Variants in SUGCT observed in about 807,000 individuals in gnomAD.
SUGCT encodes the protein succinyl-CoA:glutarate CoA-transferase.
In SUGCT, 41 loss-of-function variants were observed where a neutral mutation model predicts 55.0. That is an observed-to-expected ratio of 0.74 (90% confidence interval 0.58 to 0.97). The LOEUF is 0.97. SUGCT is among the 50% of genes least tolerant of loss of function. SUGCT has a pLI of 0.00. For synonymous variants in SUGCT, 187 were observed against 200.4 expected, an observed-to-expected ratio of 0.93 and a Z score of 0.56; for missense variants, 568 against 547.8, an observed-to-expected ratio of 1.04 and a Z score of -0.37.
At chr7:40,889,777 A>G in the SUGCT span, among the ~76,000 whole-genome samples, 3 of 152,244 alleles carry the variant, frequency 2.0e-5, no homozygotes, top group Admixed American at 2.0e-4. Flanking sequence ...GACCTTTTAC[A>G]AGCAAAATCC....
At chr7:40,970,012 A>G in the SUGCT span, among the ~76,000 whole-genome samples, 1 of 152,222 alleles carries the variant, frequency 6.6e-6, no homozygotes, top group African/African-American at 2.4e-5. Context: ...CTAAAGCAAC[A>G]TTCTTTGCAG....
intron 9 of SUGCT, among the ~76,000 whole-genome samples, chr7:40,366,919 A>G (rs914792727): frequency 1.1e-4 from 17 of 152,338 alleles, no homozygotes; most frequent in Non-Finnish European, 1.5e-4. Flanking sequence ...TACTGGGTAT[A>G]TACCCGAAGG....
rs767281088 is a variant in SUGCT, at chr7:40,459,159, T to A, written c.947T>A (p.Val316Glu). 6.2e-7 allele frequency: 1 copy of A among 1,611,566 alleles called. No individual in the cohort carries two copies. Among genetic ancestry groups the A allele is most frequent in the East Asian group, 2.2e-5 (1 of 44,788 alleles). The change falls in exon 11 of 14, where the codon GTA becomes GAA. Residue 316 changes from valine (V) to glutamate (E), a missense_variant. By Grantham distance (121) the Val-to-Glu change is moderately radical. Transcript: ENST00000335693. ...NSKYKTNHLRVHNRKELIKIL... is the reference protein window; with the variant it reads ...NSKYKTNHLREHNRKELIKIL... The stretch of plus-strand genomic sequence containing the variant: ...AAGTATAAAACTAACCACCTTCGGG[T>A]ACACAATAGAAAAGAGCTTATTAAA...
intron 8 of SUGCT, among the ~76,000 whole-genome samples, chr7:40,291,055 TG>T (rs1301831456): frequency 6.6e-6 from 1 of 152,138 alleles, no homozygotes; most frequent in East Asian, 1.9e-4. Context: ...ACACTGTTGG[TG>T]GGACTGTAAA....
chr7:40,978,893 A>G, the SUGCT span, among the ~76,000 whole-genome samples: 1 of 152,218 alleles, frequency 6.6e-6, no homozygotes, highest in Non-Finnish European at 1.5e-5. Context: ...TCTTCATGCA[A>G]TGGAAGTCAT....
At chr7:40,431,586 C>A (rs1787899567) in intron 9 of SUGCT, among the ~76,000 whole-genome samples, 1 of 152,010 alleles carries the variant, frequency 6.6e-6, no homozygotes, top group Admixed American at 6.5e-5. Flanking sequence ...GCTATATTTT[C>A]TTTTATTCTG....
intron 13 of SUGCT, among the ~76,000 whole-genome samples, chr7:40,843,399 A>G (rs1793378477): frequency 6.6e-6 from 1 of 151,478 alleles, no homozygotes; most frequent in Non-Finnish European, 1.5e-5. Context: ...AATCCCAGCT[A>G]CTCGGGAGGG....
intron 12 of SUGCT, among the ~76,000 whole-genome samples, chr7:40,588,975 T>C (rs949660434): frequency 4.6e-5 from 7 of 152,240 alleles, no homozygotes; most frequent in African/African-American, 1.2e-4. Flanking sequence ...TAATTCTGTT[T>C]TGTACAAATA....
chr7:40,454,197 A>G (rs1249173216), intron 10 of SUGCT, among the ~76,000 whole-genome samples: 3 of 152,208 alleles, frequency 2.0e-5, no homozygotes, highest in Non-Finnish European at 2.9e-5. Context: ...AAAGTCCAAT[A>G]TTTATGTCAT....
chr7:40,922,190 A>T, the SUGCT span, among the ~76,000 whole-genome samples: 1 of 152,156 alleles, frequency 6.6e-6, no homozygotes, highest in African/African-American at 2.4e-5. Context: ...CATTCTTCCA[A>T]ATCGGACTAT....
At chr7:40,162,568 C>T (rs1784230165) in intron 1 of SUGCT, among the ~76,000 whole-genome samples, 1 of 152,210 alleles carries the variant, frequency 6.6e-6, no homozygotes, top group African/African-American at 2.4e-5. Flanking sequence ...CCTTGACCTG[C>T]TGGGCTCAAG....
chr7:40,139,138 A>C (rs1465276716), intron 1 of SUGCT, among the ~76,000 whole-genome samples: 1 of 139,388 alleles, frequency 7.2e-6, no homozygotes, highest in East Asian at 2.0e-4. Context: ...AAATAAATAA[A>C]TAAATAAATA....
At chr7:40,901,149 T>C in the SUGCT span, among the ~76,000 whole-genome samples, 2 of 152,238 alleles carry the variant, frequency 1.3e-5, no homozygotes, top group African/African-American at 4.8e-5. Context: ...TCAGTTGACT[T>C]ACAGCTCTTA....
At chr7:40,323,746 A>C (rs926055153) in intron 9 of SUGCT, among the ~76,000 whole-genome samples, 4 of 152,180 alleles carry the variant, frequency 2.6e-5, no homozygotes, top group African/African-American at 7.2e-5. Context: ...AACTGGCAAA[A>C]TCCCAGTGCG....
chr7:40,432,129 T>G (rs1787925724), intron 9 of SUGCT, among the ~76,000 whole-genome samples: 1 of 152,198 alleles, frequency 6.6e-6, no homozygotes, highest in African/African-American at 2.4e-5. Context: ...CATTCAGTTT[T>G]TCCCAATTGA....
chr7:40,813,417 G>T lies in SUGCT; in HGVS notation c.1154-46899G>T, dbSNP rs1157356065. 3.3e-5 allele frequency among the ~76,000 whole-genome samples: 5 copies of T among 151,976 alleles called. No individual in the cohort carries two copies. The East Asian group carries it at 9.6e-4, about 29-fold the overall frequency. On this transcript the variant is annotated intron_variant, in intron 13 of 13. Transcript: ENST00000335693. ...CAATGTTGGATGTATATATATTTAGGATAGTTAAATCTTCTTATAGAATTG... is the reference window on the plus strand; with the variant it reads ...CAATGTTGGATGTATATATATTTAGTATAGTTAAATCTTCTTATAGAATTG...
chr7:40,239,515 G>T (rs1439386895), intron 7 of SUGCT, among the ~76,000 whole-genome samples: 1 of 152,172 alleles, frequency 6.6e-6, no homozygotes, highest in Non-Finnish European at 1.5e-5. Context: ...TTATTTAAGG[G>T]TGTTGAACTC....
At chr7:40,719,798 T>C (rs1157667456) in intron 12 of SUGCT, among the ~76,000 whole-genome samples, 1 of 151,908 alleles carries the variant, frequency 6.6e-6, no homozygotes, top group Non-Finnish European at 1.5e-5. Context: ...CACACACAAT[T>C]CTGTTTTGTT....
the SUGCT span, among the ~76,000 whole-genome samples, chr7:41,012,692 G>T: frequency 2.6e-5 from 4 of 151,890 alleles, no homozygotes; most frequent in Non-Finnish European, 5.9e-5. Flanking sequence ...GCTGCCCTAA[G>T]ATTCATGGAC....
Sources: allele counts gnomAD v4.1 joint callset (sites outside exome capture counted in the v4.1 genomes callset), GRCh38; gene constraint gnomAD v4.1.1; transcripts MANE v1.5; gene names NCBI Gene and HGNC (gene_info 2026-07-23, HGNC 2026-07-21).